The following RBM6 variants were observed in gnomAD, a reference collection of about 807,000 sequenced individuals.
RBM6 encodes the protein RNA-binding protein 6.
In RBM6, 23 loss-of-function variants were observed where a neutral mutation model predicts 140.4. The ratio of observed to expected loss-of-function variants is 0.16; its 90% CI spans 0.12 to 0.23. RBM6 has a LOEUF of 0.23. Among genes scored for constraint, RBM6 ranks in the 10% least tolerant of loss-of-function variants. RBM6 has a pLI of 1.00. For synonymous variants in RBM6, 439 were observed against 475.6 expected, an observed-to-expected ratio of 0.92 and a Z score of 1.00; for missense variants, 1,139 against 1,386.7, an observed-to-expected ratio of 0.82 and a Z score of 2.84.
rs10663019 is a variant in RBM6 at position 50,061,560 on chromosome 3, CTTTT to C, written c.2439+34_2439+37del. The stretch of plus-strand genomic sequence containing the variant: ...CCCCAATACCCAGGTGAGTTTGGGG[CTTTT>C]TTTTTTTTTTTTTTTTTTTTACCTC... On this transcript the variant is annotated intron_variant, in intron 14 of 20. Transcript: ENST00000266022. 14,936 of 1,230,072 alleles carry C rather than the reference CTTTT, an allele frequency of 0.012. No individual in the cohort carries two copies. The highest frequency in any genetic ancestry group is 0.023 in the Admixed American group (479 of 20,710). The allele number at this position is 1,230,072 out of a possible 1,614,324, so 76.2% of individuals were successfully genotyped here.
In RBM6 at chr3:49,979,122, A is replaced by C. The variant is rs371384081; in HGVS notation, c.1483+3730A>C. 7.9e-5 allele frequency among the ~76,000 whole-genome samples: 12 copies of C among 152,348 alleles called. No individual in the cohort carries two copies. In the East Asian group the frequency reaches 1.9e-3, roughly 24 times the overall value. On this transcript the variant is annotated intron_variant, in intron 5 of 20. Coordinates refer to ENST00000266022, the MANE Select transcript of RBM6 (RefSeq NM_005777.3). ...ATAAGGAGGAATGAAATACTGATGT[A>C]TGCTACAAGTTGGATGAACCTTGAA... is the stretch of plus-strand genomic sequence containing the variant.
chr3:50,058,732 G>A, intron 10 of RBM6, 170 bp downstream of exon 10: 2 of 551,450 alleles, frequency 3.6e-6, no homozygotes, highest in Non-Finnish European at 6.2e-6. Flanking sequence ...GGCTAACACG[G>A]TGAAACCCTG....
intron 8 of RBM6, 96 bp from the exon 9 acceptor site, chr3:50,057,632 C>T (rs2108908050): frequency 3.6e-6 from 3 of 822,312 alleles, no homozygotes; most frequent in South Asian, 2.0e-5. Context: ...TGAGTATTTG[C>T]TGGCAGGTAA....
intron 4 of RBM6, among the ~76,000 whole-genome samples, chr3:49,973,584 C>CTTTT (rs1226088993): frequency 3.0e-5 from 4 of 131,326 alleles, no homozygotes; most frequent in Admixed American, 1.5e-4. Flanking sequence ...TTCTGCTTTT[C>CTTTT]TTTTTTTTTT....
intron 5 of RBM6, among the ~76,000 whole-genome samples, chr3:49,995,637 G>C (rs191407614): frequency 6.6e-6 from 1 of 151,920 alleles, no homozygotes; most frequent in South Asian, 2.1e-4. Flanking sequence ...TTTTGTAATA[G>C]TCATATAAAT....
Position 50,058,800 on chromosome 3 carries a change from C to A in RBM6, c.2130+238C>A, listed in dbSNP as rs2089821017. 1.1e-5 allele frequency: 3 copies of A among 285,512 alleles called. No homozygotes were observed. In the Admixed American group the frequency reaches 1.3e-4, roughly 12 times the overall value. 17.7% of individuals were successfully genotyped at this position (285,512 alleles called of 1,614,324 possible). On this transcript the variant is annotated intron_variant, in intron 10 of 20. Coordinates refer to ENST00000266022, the MANE Select transcript of RBM6 (RefSeq NM_005777.3). Reference sequence around the variant, plus strand: ...GCGTGGTGGCAGGCGCCTGTAGTCGCAGCTACTCGGGAGGCTGAGGCAGGA... The same window carrying A: ...GCGTGGTGGCAGGCGCCTGTAGTCGAAGCTACTCGGGAGGCTGAGGCAGGA...
At chr3:49,960,003 A>T (rs1407348651) in intron 1 of RBM6, among the ~76,000 whole-genome samples, 1 of 152,180 alleles carries the variant, frequency 6.6e-6, no homozygotes, top group African/African-American at 2.4e-5. Context: ...ATCTATCTGT[A>T]ATCTCTTGCC....
chr3:50,004,188 G>GT (rs1217227312), intron 6 of RBM6, among the ~76,000 whole-genome samples: 1 of 152,124 alleles, frequency 6.6e-6, no homozygotes, highest in African/African-American at 2.4e-5. Flanking sequence ...AGTCACTAAA[G>GT]TGCCCTTATA....
chr3:50,053,310 T>A (rs2089554956), intron 7 of RBM6, among the ~76,000 whole-genome samples: 1 of 152,116 alleles, frequency 6.6e-6, no homozygotes, highest in Non-Finnish European at 1.5e-5. Flanking sequence ...GGCGGGCAGA[T>A]CACCTGAGGT....
chr3:50,056,262 C>T (rs899116091), intron 8 of RBM6, among the ~76,000 whole-genome samples: 2 of 151,832 alleles, frequency 1.3e-5, no homozygotes, highest in African/African-American at 4.8e-5. Context: ...TTTTTCAAAG[C>T]TATTCCAGCA....
Position 49,999,452 on chromosome 3 carries a change from G to T in RBM6, c.1496G>T (p.Gly499Val), listed in dbSNP as rs1401991544. The T allele has an allele frequency of 6.2e-7, 1 of 1,613,788 alleles. No individual in the cohort carries two copies. The highest frequency in any genetic ancestry group is 1.1e-5 in the South Asian group (1 of 91,058). Residue 499 changes from glycine (G) to valine (V), a missense_variant, in exon 6 of 21, where the codon GGC becomes GTC. By Grantham distance (109) the Gly-to-Val change is moderately radical (BLOSUM62 -3). This residue lies in a region of RBM6 where 58 missense variants were observed against 99.7 expected (regional missense o/e 0.58). Transcript: ENST00000266022. ...ATGCTGTCCCCAGGTTACGACTATG[G>T]CTATGTCTGCGTGGAGTTTTCACTC... is the stretch of plus-strand genomic sequence containing the variant. Reference protein sequence around the residue: ...LKEYNTGYDYGYVCVEFSLLE... With the variant: ...LKEYNTGYDYVYVCVEFSLLE...
At chr3:49,986,787 C>T in intron 5 of RBM6, among the ~76,000 whole-genome samples, 1 of 128,142 alleles carries the variant, frequency 7.8e-6, no homozygotes, top group African/African-American at 2.8e-5. Context: ...CTCTTTTCTT[C>T]TCTTCTCTTT....
chr3:49,992,737 G>T (rs2085883476), intron 5 of RBM6, among the ~76,000 whole-genome samples: 1 of 152,154 alleles, frequency 6.6e-6, no homozygotes, highest in Non-Finnish European at 1.5e-5. Context: ...TAGGTTTAGG[G>T]ATACAGAAAT....
intron 5 of RBM6, among the ~76,000 whole-genome samples, chr3:49,982,471 G>A (rs2085353782): frequency 1.3e-5 from 2 of 151,852 alleles, no homozygotes; most frequent in Admixed American, 1.3e-4. Context: ...TTGGAGTGCA[G>A]TGACGTGATC....
chr3:49,972,126 C>G lies in RBM6; in HGVS notation c.1391C>G (p.Pro464Arg). ...AGGCTTATTCGATTAAGTGGGGTAC[C>G]TGAAGATGCCACAAAAGAAGAGGTA... ...PSRLIRLSGVPEDATKEEILN... is the reference protein window; with the variant it reads ...PSRLIRLSGVREDATKEEILN... The change falls in exon 4 of 21, where the codon CCT (proline) becomes CGT (arginine). Residue 464 changes from proline to arginine, a missense_variant. Around this residue, in one of 9 missense-constraint regions of RBM6, gnomAD observed 566 missense variants for 612.7 expected, o/e 0.92. Transcript: ENST00000266022. 1 of 1,612,304 alleles carries G rather than the reference C, an allele frequency of 6.2e-7. No homozygotes were observed. Among genetic ancestry groups the G allele is most frequent in the Non-Finnish European group, 8.5e-7 (1 of 1,178,612 alleles).
Position 49,967,253 on chromosome 3 carries a change from C to T in RBM6, c.45-217C>T. 1 of 1,324,986 alleles carries T rather than the reference C, an allele frequency of 7.5e-7. No homozygotes were observed. 82.1% of individuals were successfully genotyped at this position (1,324,986 alleles called of 1,614,324 possible). A position where few individuals can be genotyped will look rare whatever the true frequency, so the allele number is the denominator to read the frequency against. ...ATGTTGAAAACCTTGTGTTGACTTT[C>T]CTCGTGTTCTGAAATGGGAGCATAA... On this transcript the variant is annotated intron_variant, in intron 2 of 20. Transcript: ENST00000266022. The surrounding 1 kb of genome is among the most constrained non-coding windows in gnomAD (Gnocchi z 4.0).
At chr3:50,001,810 T>A (rs1038763190) in intron 6 of RBM6, among the ~76,000 whole-genome samples, 1 of 152,188 alleles carries the variant, frequency 6.6e-6, no homozygotes, top group Admixed American at 6.5e-5. Flanking sequence ...TGTGATTAAG[T>A]CGTTCGCCTC....
chr3:50,059,723 A>G lies in RBM6; in HGVS notation c.2205A>G (p.Val735=). ...PFSIDGKMVA[V]NLATGKRRND... is the part of the protein sequence containing the mutation. ...GCATTGATGGGAAGATGGTAGCTGTAAACCTGGCCACTGGAAAACGAAGGT... is the reference window on the plus strand; with the variant it reads ...GCATTGATGGGAAGATGGTAGCTGTGAACCTGGCCACTGGAAAACGAAGGT... Residue 735 remains valine (V), a synonymous_variant, in exon 11 of 21, where the codon GTA becomes GTG. Transcript: ENST00000266022. 3.1e-6 allele frequency: 5 copies of G among 1,613,868 alleles called. No individual in the cohort carries two copies. Among genetic ancestry groups the G allele is most frequent in the Non-Finnish European group, 4.2e-6 (5 of 1,179,908 alleles).
chr3:49,982,350 C>T (rs1285393451), intron 5 of RBM6, among the ~76,000 whole-genome samples: 1 of 147,664 alleles, frequency 6.8e-6, no homozygotes, highest in Non-Finnish European at 1.5e-5. Context: ...TCAAGCAGTC[C>T]TCCCACCTTA....
Sources: gnomAD v4.1 joint callset for allele counts (sites outside exome capture counted in the v4.1 genomes callset) on GRCh38, gnomAD v4.1.1 for gene constraint, gnomAD v4.1.1 regional missense constraint, Gnocchi (gnomAD v3.1) non-coding constraint, MANE v1.5 for transcripts, NCBI Gene and HGNC (gene_info 2026-07-23, HGNC 2026-07-21) for gene names.